The following PZP variants were observed in gnomAD, a reference collection of about 807,000 sequenced individuals.
PZP encodes the protein pregnancy zone protein.
Under a neutral mutation model 179.8 loss-of-function variants are expected in PZP, and 150 were observed. That is an observed-to-expected ratio of 0.83 (90% CI 0.73 to 0.96). PZP has a LOEUF of 0.96. Ranked by LOEUF, PZP falls within the 40% of genes least tolerant of loss-of-function variation. The pLI is 0.00. For synonymous variants in PZP, 624 were observed against 652.3 expected, an observed-to-expected ratio of 0.96 and a Z score of 0.66; for missense variants, 1,689 against 1,764.0, an observed-to-expected ratio of 0.96 and a Z score of 0.76.
At chr12:9,158,331 G>T in intron 26 of PZP, 89 bp downstream of exon 26, 1 of 1,514,558 alleles carries the variant, frequency 6.6e-7, no homozygotes, top group South Asian at 1.2e-5. Context: ...CTTCATCTTT[G>T]CAATTTCCTT....
intron 15 of PZP, among the ~76,000 whole-genome samples, chr12:9,178,940 A>G (rs1051259049): frequency 6.6e-6 from 1 of 152,212 alleles, no homozygotes; most frequent in Non-Finnish European, 1.5e-5. Context: ...TGAAGTAGAA[A>G]CTAGAATAAA....
intron 15 of PZP, among the ~76,000 whole-genome samples, chr12:9,172,793 T>C (rs1206650580): frequency 6.6e-6 from 1 of 152,208 alleles, no homozygotes; most frequent in African/African-American, 2.4e-5. Flanking sequence ...TAAATATATA[T>C]GCATCCAATA....
chr12:9,153,259 G>C lies in PZP; in HGVS notation c.3859C>G (p.Gln1287Glu), dbSNP rs1308462000. 4 of 1,614,166 alleles carry C rather than the reference G, an allele frequency of 2.5e-6. No homozygotes were observed. The Admixed American group carries it at 6.7e-5, about 27-fold the overall frequency. Reference protein sequence around the residue: ...RTEKTAQVTVQDSQTFSTNFQ... With the variant: ...RTEKTAQVTVEDSQTFSTNFQ... ...TTTGTAGAAAAGGTCTGTGAATCCTGAACGGTGACCTGTGCAGTTTTCTCA... is the reference window on the plus strand; with the variant it reads ...TTTGTAGAAAAGGTCTGTGAATCCTCAACGGTGACCTGTGCAGTTTTCTCA... The change falls in exon 30 of 36, where the codon CAG becomes GAG. Residue 1287 changes from glutamine to glutamate, a missense_variant. This residue lies in a region of PZP where 746 missense variants were observed against 749.2 expected (regional missense o/e 1.00). Coordinates refer to ENST00000261336, the MANE Select transcript of PZP (RefSeq NM_002864.3).
chr12:9,165,568 T>C (rs1308718891), intron 18 of PZP, among the ~76,000 whole-genome samples: 2 of 152,210 alleles, frequency 1.3e-5, no homozygotes, highest in African/African-American at 2.4e-5. Context: ...CTCTCCCCCT[T>C]ATCAACAAAT....
the PZP span, among the ~76,000 whole-genome samples, chr12:9,141,538 T>A: frequency 6.6e-6 from 1 of 152,204 alleles, no homozygotes; most frequent in Non-Finnish European, 1.5e-5. Context: ...AACTGGATGA[T>A]ACTTCTTCAA....
At chr12:9,148,464 A>AT (rs527388133), downstream of PZP, among the ~76,000 whole-genome samples, 8 of 151,866 alleles carry the variant, frequency 5.3e-5, no homozygotes, top group African/African-American at 1.7e-4. Context: ...TCATCTCTTT[A>AT]TTTTTTTAAT....
rs1281451458 is a variant in PZP, at chr12:9,196,408, T to G, written c.1014A>C (p.Glu338Asp). 6.2e-7 allele frequency: 1 copy of G among 1,613,718 alleles called. No individual in the cohort carries two copies. Among genetic ancestry groups the G allele is most frequent in the South Asian group, 1.1e-5 (1 of 91,074 alleles). The change falls in exon 10 of 36, where the codon GAA becomes GAC. Residue 338 changes from glutamate (E) to aspartate (D), a missense_variant. Around this residue, in one of 3 missense-constraint regions of PZP, gnomAD observed 742 missense variants for 730.5 expected, o/e 1.02. Coordinates refer to ENST00000261336, the MANE Select transcript of PZP (RefSeq NM_002864.3). ...DLEVTANRIS[E>D]ITNIVSKLKF... ...TGAGTTTGGATACAATGTTTGTGAT[T>G]TCACTGATCCTGTTTGCAGTGACTT...
At position 9,200,351 on chromosome 12, in the gene PZP, C is replaced by T. The variant is rs767537839; in HGVS notation, c.755+13G>A. On this transcript the variant is annotated intron_variant, in intron 7 of 35. Coordinates refer to ENST00000261336, the MANE Select transcript of PZP (RefSeq NM_002864.3). ...CAAAATATAAAATTTTAGATAAAAACAATGTAACTCACTCTCCACAGACTG... is the reference window on the plus strand; with the variant it reads ...CAAAATATAAAATTTTAGATAAAAATAATGTAACTCACTCTCCACAGACTG... 2.6e-5 allele frequency: 41 copies of T among 1,554,104 alleles called. No homozygotes were observed. Among genetic ancestry groups the T allele is most frequent in the Non-Finnish European group, 3.5e-5 (40 of 1,133,830 alleles).
At chr12:9,181,550 T>G (rs183364046) in intron 14 of PZP, among the ~76,000 whole-genome samples, 1 of 152,346 alleles carries the variant, frequency 6.6e-6, no homozygotes, top group Non-Finnish European at 1.5e-5. Context: ...TAACAAAATA[T>G]AGCTTCTCGG....
rs1314235112 is a variant in PZP, at chr12:9,149,617, T to C, written c.4385-15A>G. 3 of 1,611,950 alleles carry C rather than the reference T, an allele frequency of 1.9e-6. No individual in the cohort carries two copies. In the African/African-American group the frequency reaches 4.0e-5, roughly 22 times the overall value. ...CACAGACTCATCTGAAAGATAACGT[T>C]GGGTGAAGGAAGAAACGAAAGATCT... On this transcript the variant is annotated splice_polypyrimidine_tract_variant and intron_variant, in intron 34 of 35. Coordinates refer to ENST00000261336, the MANE Select transcript of PZP (RefSeq NM_002864.3).
At position 9,168,823 on chromosome 12, in the gene PZP, A is replaced by G. The variant is rs763715812; in HGVS notation, c.2107+46T>C. ...TCATTTTAGCATTTTGGGCATAGTA[A>G]TATTGTTGGACATGAAATAAAATTA... On this transcript the variant is annotated intron_variant, in intron 17 of 35. Coordinates refer to ENST00000261336, the MANE Select transcript of PZP (RefSeq NM_002864.3). 8 of 1,423,844 alleles carry G rather than the reference A, an allele frequency of 5.6e-6. No individual in the cohort carries two copies. The African/African-American group carries it at 1.1e-4, about 20-fold the overall frequency. The allele number at this position is 1,423,844 out of a possible 1,614,324, so 88.2% of individuals were successfully genotyped here.
At chr12:9,157,383 A>G in intron 27 of PZP, 28 bp from the exon 28 acceptor site, 1 of 1,596,824 alleles carries the variant, frequency 6.3e-7, no homozygotes, top group Non-Finnish European at 8.5e-7. Context: ...GGTTGTGTCA[A>G]ACTAGGGTGA....
At chr12:9,202,940 G>C (rs1030768941) in intron 2 of PZP, among the ~76,000 whole-genome samples, 4 of 152,144 alleles carry the variant, frequency 2.6e-5, no homozygotes, top group African/African-American at 9.7e-5. Context: ...CCTTTTAACT[G>C]AGTATGTATA....
the PZP span, among the ~76,000 whole-genome samples, chr12:9,142,673 T>G: frequency 6.6e-5 from 10 of 152,152 alleles, no homozygotes; most frequent in Admixed American, 6.5e-4. Flanking sequence ...ATCCAGTAGT[T>G]ATAAGATTTT....
downstream of PZP, among the ~76,000 whole-genome samples, chr12:9,145,502 A>AT (rs1939965418): frequency 6.6e-6 from 1 of 152,152 alleles, no homozygotes. Context: ...TATCTATTTT[A>AT]TGTTTTAAAA....
At chr12:9,165,476 G>T in intron 18 of PZP, 109 bp from the exon 19 acceptor site, 1 of 1,223,696 alleles carries the variant, frequency 8.2e-7, no homozygotes, top group Non-Finnish European at 1.2e-6. Flanking sequence ...CCACTTAAGG[G>T]TATATGCGAG....
At chr12:9,144,606 C>T (rs894100194), downstream of PZP, among the ~76,000 whole-genome samples, 1 of 152,166 alleles carries the variant, frequency 6.6e-6, no homozygotes, top group African/African-American at 2.4e-5. Flanking sequence ...CTGAGAGGGG[C>T]TTCTGGCCAA....
At chr12:9,140,915 A>C in the PZP span, among the ~76,000 whole-genome samples, 4 of 152,348 alleles carry the variant, frequency 2.6e-5, no homozygotes, top group African/African-American at 9.6e-5. Context: ...TAAAATAACC[A>C]GTTTTTCAAA....
At chr12:9,156,877 T>G (rs1445109946) in intron 28 of PZP, among the ~76,000 whole-genome samples, 1 of 152,070 alleles carries the variant, frequency 6.6e-6, no homozygotes, top group Non-Finnish European at 1.5e-5. Flanking sequence ...CACCTTTTTT[T>G]GCACAGTTTT....
Sources: gnomAD v4.1 joint callset for allele counts (sites outside exome capture counted in the v4.1 genomes callset) on GRCh38, gnomAD v4.1.1 for gene constraint, gnomAD v4.1.1 regional missense constraint, MANE v1.5 for transcripts, NCBI Gene and HGNC (gene_info 2026-07-23, HGNC 2026-07-21) for gene names.